KIAA0825: variants seen among roughly 807,000 people sequenced by gnomAD.
The protein encoded by KIAA0825 is uncharacterized protein KIAA0825.
Under a neutral mutation model 147.6 loss-of-function variants are expected in KIAA0825, and 119 were observed. The ratio of observed to expected loss-of-function variants is 0.81; its 90% CI spans 0.69 to 0.94. The LOEUF (loss-of-function observed/expected upper bound fraction) is 0.94, where lower values mean the gene tolerates loss of function less well. KIAA0825 is among the 40% of genes least tolerant of loss of function. KIAA0825 has a pLI of 0.00. For missense variants in KIAA0825, 1,381 were observed against 1,472.7 expected, an observed-to-expected ratio of 0.94 and a Z score of 1.02; for synonymous variants, 470 against 518.1, an observed-to-expected ratio of 0.91 and a Z score of 1.26.
At chr5:94,425,502 G>A (rs1032531004) in intron 14 of KIAA0825, among the ~76,000 whole-genome samples, 1 of 152,072 alleles carries the variant, frequency 6.6e-6, no homozygotes, top group Non-Finnish European at 1.5e-5. Context: ...GCTTTGGGAG[G>A]CAAAGGTAGG....
intron 1 of KIAA0825, among the ~76,000 whole-genome samples, chr5:94,616,914 T>C (rs1790670035): frequency 6.6e-6 from 1 of 152,200 alleles, no homozygotes; most frequent in African/African-American, 2.4e-5. Context: ...TGTTTACTTA[T>C]AAAGGTATAG....
At chr5:94,379,672 A>T (rs1339857338) in intron 20 of KIAA0825, among the ~76,000 whole-genome samples, 3 of 152,066 alleles carry the variant, frequency 2.0e-5, no homozygotes, top group Non-Finnish European at 2.9e-5. Flanking sequence ...GAATCTGTAA[A>T]TTACTTTGGG....
At chr5:94,326,512 A>C (rs1029907137) in intron 20 of KIAA0825, among the ~76,000 whole-genome samples, 1 of 152,172 alleles carries the variant, frequency 6.6e-6, no homozygotes, top group Non-Finnish European at 1.5e-5. Context: ...GATTGATCTC[A>C]CTGACTAAGG....
chr5:94,546,008 G>A (rs1774282947), intron 2 of KIAA0825, among the ~76,000 whole-genome samples: 1 of 152,132 alleles, frequency 6.6e-6, no homozygotes, highest in African/African-American at 2.4e-5. Context: ...TCTCATGCCT[G>A]GCAACATTCA....
At chr5:94,355,045 A>G (rs1017905710) in intron 20 of KIAA0825, among the ~76,000 whole-genome samples, 3 of 152,204 alleles carry the variant, frequency 2.0e-5, no homozygotes, top group African/African-American at 7.2e-5. Flanking sequence ...GCAGGCTTCC[A>G]CGCTATAGGT....
At chr5:94,534,475 C>T (rs942461171) in intron 3 of KIAA0825, among the ~76,000 whole-genome samples, 2 of 152,130 alleles carry the variant, frequency 1.3e-5, no homozygotes, top group South Asian at 2.1e-4. Flanking sequence ...GAGCTACTTC[C>T]TTATTTGGTC....
At chr5:94,377,457 C>A (rs893785319) in intron 20 of KIAA0825, among the ~76,000 whole-genome samples, 1 of 152,182 alleles carries the variant, frequency 6.6e-6, no homozygotes, top group Non-Finnish European at 1.5e-5. Context: ...TCTGGAGTTT[C>A]GCCATGAATG....
rs1775567522 is a variant in KIAA0825, at chr5:94,551,689, G to A, written c.-1-14562C>T. 2.6e-5 allele frequency among the ~76,000 whole-genome samples: 4 copies of A among 151,942 alleles called. No homozygotes were observed. The South Asian group carries it at 8.3e-4, about 32-fold the overall frequency. On this transcript the variant is annotated intron_variant, in intron 2 of 20. Coordinates refer to ENST00000682413, the MANE Select transcript of KIAA0825 (RefSeq NM_001145678.3). ...AAAGGAAACTCATTGACATATATTGGCCTTATATTAAATACTTAAGGGAGT... is the reference window on the plus strand; with the variant it reads ...AAAGGAAACTCATTGACATATATTGACCTTATATTAAATACTTAAGGGAGT...
intron 20 of KIAA0825, among the ~76,000 whole-genome samples, chr5:94,277,287 A>G (rs548270871): frequency 1.3e-5 from 2 of 152,208 alleles, no homozygotes; most frequent in Non-Finnish European, 2.9e-5. Flanking sequence ...GAGCTTCTGC[A>G]CAGCAAAAGA....
intron 14 of KIAA0825, among the ~76,000 whole-genome samples, chr5:94,431,323 AT>A (rs1242941862): frequency 3.9e-5 from 6 of 152,216 alleles, no homozygotes; most frequent in Non-Finnish European, 4.4e-5. Flanking sequence ...ATAAAACAGA[AT>A]TGTCATATAA....
chr5:94,554,972 A>G (rs1349740208), intron 2 of KIAA0825, among the ~76,000 whole-genome samples: 2 of 151,608 alleles, frequency 1.3e-5, no homozygotes, highest in Non-Finnish European at 2.9e-5. Context: ...CAAAAAATTA[A>G]TATTTTACCT....
At chr5:94,567,528 C>T (rs1778921536) in intron 2 of KIAA0825, 1 of 152,160 alleles carries the variant, frequency 6.6e-6, no homozygotes, top group African/African-American at 2.4e-5. Flanking sequence ...ATTCTAGTCA[C>T]CGCCAACAAC....
At chr5:94,598,211 T>C (rs1404398707) in intron 1 of KIAA0825, among the ~76,000 whole-genome samples, 1 of 152,160 alleles carries the variant, frequency 6.6e-6, no homozygotes, top group African/African-American at 2.4e-5. Flanking sequence ...TTTACCTTTA[T>C]AGCCTTATTC....
intron 2 of KIAA0825, among the ~76,000 whole-genome samples, chr5:94,562,139 T>G (rs1301848359): frequency 5.3e-5 from 8 of 152,200 alleles, no homozygotes; most frequent in Admixed American, 5.2e-4. Flanking sequence ...TCTCTAGTTT[T>G]AAAATTCTAT....
At chr5:94,346,690 G>T (rs888799026) in intron 20 of KIAA0825, among the ~76,000 whole-genome samples, 2 of 152,144 alleles carry the variant, frequency 1.3e-5, no homozygotes, top group Non-Finnish European at 2.9e-5. Flanking sequence ...GTCCCCTAGC[G>T]GGCCATTCCT....
intron 1 of KIAA0825, among the ~76,000 whole-genome samples, chr5:94,614,775 T>A (rs1291284136): frequency 6.6e-6 from 1 of 152,196 alleles, no homozygotes; most frequent in Admixed American, 6.5e-5. Context: ...TTGCCCTACA[T>A]ATAATTATTT....
intron 20 of KIAA0825, among the ~76,000 whole-genome samples, chr5:94,349,237 G>A (rs578240990): frequency 2.6e-4 from 40 of 152,258 alleles, no homozygotes; most frequent in Admixed American, 1.2e-3. Flanking sequence ...TGTCCAACAG[G>A]AAAATATCAC....
intron 20 of KIAA0825, among the ~76,000 whole-genome samples, chr5:94,366,439 C>G (rs1267923940): frequency 6.6e-6 from 1 of 152,152 alleles, no homozygotes; most frequent in Non-Finnish European, 1.5e-5. Context: ...TCTCCTTGGT[C>G]CTCCTCACCC....
chr5:94,352,388 A>T (rs1339386608), intron 20 of KIAA0825, among the ~76,000 whole-genome samples: 1 of 152,242 alleles, frequency 6.6e-6, no homozygotes, highest in Non-Finnish European at 1.5e-5. Context: ...CACTCCTGCA[A>T]GAATGACTAT....
Sources: gnomAD v4.1 joint callset for allele counts (sites outside exome capture counted in the v4.1 genomes callset) on GRCh38, gnomAD v4.1.1 for gene constraint, MANE v1.5 for transcripts, NCBI Gene and HGNC (gene_info 2026-07-23, HGNC 2026-07-21) for gene names.